MDGA2: variants seen among roughly 807,000 people sequenced by gnomAD.
MDGA2 encodes MAM domain-containing glycosylphosphatidylinositol anchor protein 2.
In MDGA2, 40 loss-of-function variants were observed where a neutral mutation model predicts 117.8. That is an observed-to-expected ratio of 0.34 (90% confidence interval 0.26 to 0.44). MDGA2 has a LOEUF of 0.44. MDGA2 is among the 20% of genes least tolerant of loss of function. The pLI is 1.00. For missense variants in MDGA2, 1,123 were observed against 1,250.6 expected (o/e 0.90, Z 1.54); for synonymous variants, 452 against 439.0 (o/e 1.03, Z -0.37).
At chr14:46,970,924 G>T (rs970809922) in intron 8 of MDGA2, among the ~76,000 whole-genome samples, 6 of 151,870 alleles carry the variant, frequency 4.0e-5, no homozygotes, top group Non-Finnish European at 7.4e-5. Context: ...TGGCCAACAG[G>T]TATCTGAAAA....
chr14:47,172,019 T>A (rs1364984363), intron 3 of MDGA2, among the ~76,000 whole-genome samples: 1 of 152,212 alleles, frequency 6.6e-6, no homozygotes, highest in Admixed American at 6.5e-5. Context: ...CACAGGGTCC[T>A]ATGCCCACTG....
At chr14:47,122,270 G>A (rs1399203698) in intron 5 of MDGA2, among the ~76,000 whole-genome samples, 1 of 152,028 alleles carries the variant, frequency 6.6e-6, no homozygotes, top group African/African-American at 2.4e-5. Context: ...TCCACACCCA[G>A]CTCTTGTTCA....
intron 1 of MDGA2, among the ~76,000 whole-genome samples, chr14:47,648,615 A>C (rs1033932597): frequency 6.7e-6 from 1 of 150,262 alleles, no homozygotes; most frequent in Admixed American, 6.6e-5. Context: ...AGAATATCTG[A>C]GTGGGCTGGT....
intron 2 of MDGA2, among the ~76,000 whole-genome samples, chr14:47,277,166 C>A (rs1248658415): frequency 3.9e-5 from 6 of 152,202 alleles, no homozygotes; most frequent in African/African-American, 1.4e-4. Context: ...TCCTTCCCTG[C>A]TCCATCCTGC....
chr14:47,386,501 T>G (rs1891763211), intron 1 of MDGA2, among the ~76,000 whole-genome samples: 1 of 152,156 alleles, frequency 6.6e-6, no homozygotes, highest in Non-Finnish European at 1.5e-5. Context: ...GAAGAAATGT[T>G]AACAAAAGTG....
rs563280796 is a variant in MDGA2, at chr14:47,168,284, C to CAAA, written c.596-24013_596-24011dup. ...ATAGTGACAGGGCGGAACTCCATCT[C>CAAA]AAAAAAAAAAAAAAAAAAAAACCTT... On this transcript the variant is annotated intron_variant, in intron 3 of 16. Transcript: ENST00000399232. Among the ~76,000 whole-genome samples the CAAA allele has an allele frequency of 4.8e-3, 286 of 59,858 alleles. 3 individuals carry two copies. Among genetic ancestry groups the CAAA allele is most frequent in the African/African-American group, 5.4e-3 (90 of 16,700 alleles). The allele number at this position is 59,858 out of a possible 152,430, so 39.3% of individuals were successfully genotyped here.
intron 7 of MDGA2, among the ~76,000 whole-genome samples, chr14:47,049,549 T>G (rs1889381357): frequency 1.3e-5 from 2 of 152,064 alleles, no homozygotes; most frequent in Admixed American, 1.3e-4. Flanking sequence ...TTTTTATAAT[T>G]TCGACTTTTA....
At chr14:47,663,050 A>G (rs1274536099) in intron 1 of MDGA2, among the ~76,000 whole-genome samples, 1 of 152,218 alleles carries the variant, frequency 6.6e-6, no homozygotes, top group Non-Finnish European at 1.5e-5. Flanking sequence ...AAGTTACTCA[A>G]AGGATGAGAG....
intron 1 of MDGA2, among the ~76,000 whole-genome samples, chr14:47,335,745 T>TATACATACATAC (rs1555374515): frequency 7.4e-4 from 70 of 94,802 alleles, no homozygotes; most frequent in South Asian, 1.9e-3. Flanking sequence ...TATATATATA[T>TATACATACATAC]ATACATACAT....
chr14:47,496,032 C>G (rs938177184), intron 1 of MDGA2, among the ~76,000 whole-genome samples: 1 of 151,654 alleles, frequency 6.6e-6, no homozygotes, highest in Admixed American at 6.6e-5. Flanking sequence ...GGGTAAATTG[C>G]CTCTTCACAT....
chr14:47,499,408 T>A (rs1894352864), intron 1 of MDGA2, among the ~76,000 whole-genome samples: 1 of 152,144 alleles, frequency 6.6e-6, no homozygotes, highest in African/African-American at 2.4e-5. Flanking sequence ...AATATAGTTC[T>A]TTCTCCCCCC....
At position 47,343,059 on chromosome 14, in the gene MDGA2, A is replaced by T. The variant is rs575877407; in HGVS notation, c.281-41509T>A. The T allele has an allele frequency of 9.8e-4, 1,256 of 1,286,498 alleles. 14 individuals carry two copies. The South Asian group carries it at 0.011, about 11-fold the overall frequency. The allele number at this position is 1,286,498 out of a possible 1,614,324, so 79.7% of individuals were successfully genotyped here. A position where few individuals can be genotyped will look rare whatever the true frequency, so the allele number is the denominator to read the frequency against. On this transcript the variant is annotated intron_variant, in intron 1 of 16. Coordinates refer to ENST00000399232, the MANE Select transcript of MDGA2 (RefSeq NM_001113498.3). Reference sequence around the variant, plus strand: ...GCAGCACTACCGTGAGTCCTGCGGCAGATCCCAAGGGATTCATACTTGAAC... The same window carrying T: ...GCAGCACTACCGTGAGTCCTGCGGCTGATCCCAAGGGATTCATACTTGAAC...
intron 1 of MDGA2, among the ~76,000 whole-genome samples, chr14:47,619,116 T>TATACACACACACACACACACAC (rs140667074): frequency 3.3e-5 from 3 of 90,712 alleles, no homozygotes; most frequent in African/African-American, 1.2e-4. Flanking sequence ...TCAGTTTAAT[T>TATACACACACACACACACACAC]ACACACACAC....
rs955006315 is a variant in MDGA2, at chr14:47,674,844, C to A, written c.-48G>T. 23 of 598,688 alleles carry A rather than the reference C, an allele frequency of 3.8e-5. No individual in the cohort carries two copies. Among genetic ancestry groups the A allele is most frequent in the Non-Finnish European group, 3.5e-5 (12 of 340,180 alleles). 37.1% of individuals were successfully genotyped at this position (598,688 alleles called of 1,614,324 possible). On this transcript the variant is annotated 5_prime_UTR_variant, in exon 1 of 17. Coordinates refer to ENST00000399232, the MANE Select transcript of MDGA2 (RefSeq NM_001113498.3). The stretch of plus-strand genomic sequence containing the variant: ...TCACACACTCTCCCACAACACAATA[C>A]CCTGACACACACTCACACGCACGCC...
chr14:46,945,527 T>C (rs1012346717), intron 9 of MDGA2, among the ~76,000 whole-genome samples: 6 of 152,036 alleles, frequency 3.9e-5, no homozygotes, highest in African/African-American at 1.4e-4. Context: ...AGTCTGATCC[T>C]TAGGTAAGGA....
chr14:47,366,372 C>G (rs142816244), intron 1 of MDGA2, among the ~76,000 whole-genome samples: 295 of 151,560 alleles, frequency 1.9e-3, no homozygotes, highest in African/African-American at 6.7e-3. Flanking sequence ...AAAAAAAATA[C>G]AAGGAAAAGG....
At chr14:47,664,095 A>G (rs910782247) in intron 1 of MDGA2, among the ~76,000 whole-genome samples, 3 of 152,210 alleles carry the variant, frequency 2.0e-5, no homozygotes, top group Admixed American at 6.5e-5. Context: ...TAAGGAGAAG[A>G]AGGAGAAACT....
intron 1 of MDGA2, among the ~76,000 whole-genome samples, chr14:47,405,484 T>A (rs573505782): frequency 2.5e-4 from 38 of 152,308 alleles, no homozygotes; most frequent in African/African-American, 8.4e-4. Flanking sequence ...TTTGCCTGTT[T>A]CTCGAAGATA....
chr14:47,390,437 C>T (rs1891868147), intron 1 of MDGA2, among the ~76,000 whole-genome samples: 1 of 152,112 alleles, frequency 6.6e-6, no homozygotes, highest in Non-Finnish European at 1.5e-5. Context: ...AACCTTCCAT[C>T]GTAAAGATAC....
Sources: allele counts gnomAD v4.1 joint callset (sites outside exome capture counted in the v4.1 genomes callset), GRCh38; gene constraint gnomAD v4.1.1; transcripts MANE v1.5; gene names NCBI Gene and HGNC (gene_info 2026-07-23, HGNC 2026-07-21).